NALCN: variants seen among roughly 807,000 people sequenced by gnomAD.
NALCN encodes sodium leak channel, non-selective.
NALCN carries 111 observed loss-of-function variants against 225.3 expected under a neutral mutation model. That is an observed-to-expected ratio of 0.49 (90% CI 0.42 to 0.58). NALCN has a LOEUF of 0.58. NALCN is among the 20% of genes least tolerant of loss of function. The pLI, the probability that NALCN is intolerant of heterozygous loss-of-function variation, is 0.00. For synonymous variants in NALCN, 764 were observed against 769.0 expected (o/e 0.99, Z 0.11); for missense variants, 1,378 against 2,202.4 (o/e 0.63, Z 7.49).
chr13:101,263,079 G>A (rs1396232170), intron 10 of NALCN, among the ~76,000 whole-genome samples: 1 of 152,222 alleles, frequency 6.6e-6, no homozygotes, highest in Admixed American at 6.5e-5. Context: ...TCAGCCCATA[G>A]TCTAGTGAGG....
intron 13 of NALCN, 24 bp from the exon 14 acceptor site, chr13:101,192,078 T>A: frequency 1.3e-6 from 2 of 1,582,056 alleles, no homozygotes; most frequent in Non-Finnish European, 1.7e-6. Context: ...AACAAAGGTA[T>A]TACACACTAG....
intron 34 of NALCN, among the ~76,000 whole-genome samples, chr13:101,079,688 T>A (rs2139497323): frequency 6.6e-6 from 1 of 152,356 alleles, no homozygotes; most frequent in African/African-American, 2.4e-5. Context: ...GCAACTATAT[T>A]TGTTTTGCTT....
intron 14 of NALCN, among the ~76,000 whole-genome samples, chr13:101,187,807 G>A (rs1469482613): frequency 1.3e-5 from 2 of 152,196 alleles, no homozygotes; most frequent in East Asian, 3.9e-4. Flanking sequence ...TTTATCTATA[G>A]AGCAGGAGTC....
intron 1 of NALCN, among the ~76,000 whole-genome samples, chr13:101,411,002 C>A (rs1198386877): frequency 6.6e-6 from 1 of 152,106 alleles, no homozygotes; most frequent in Non-Finnish European, 1.5e-5. Context: ...AATTGTATAT[C>A]CAATTTCTCC....
intron 10 of NALCN, among the ~76,000 whole-genome samples, chr13:101,271,736 G>T (rs2042784359): frequency 6.6e-6 from 1 of 151,766 alleles, no homozygotes; most frequent in Non-Finnish European, 1.5e-5. Context: ...GTGTCACTGT[G>T]TCACTGAGTA....
intron 3 of NALCN, among the ~76,000 whole-genome samples, chr13:101,390,047 A>T (rs1319743813): frequency 6.6e-6 from 1 of 152,200 alleles, no homozygotes; most frequent in East Asian, 1.9e-4. Flanking sequence ...GCACCACTGT[A>T]CTCCGGCCTG....
At chr13:101,369,459 T>C (rs2046476939) in intron 6 of NALCN, among the ~76,000 whole-genome samples, 1 of 152,188 alleles carries the variant, frequency 6.6e-6, no homozygotes, top group Non-Finnish European at 1.5e-5. Flanking sequence ...GAAGCAACTC[T>C]AGGGTCATGA....
chr13:101,119,090 A>G (rs1342118623), intron 18 of NALCN, among the ~76,000 whole-genome samples: 1 of 152,234 alleles, frequency 6.6e-6, no homozygotes, highest in Non-Finnish European at 1.5e-5. Flanking sequence ...GTGAGACACT[A>G]CAGAGATATT....
chr13:101,373,038 T>C (rs1594755851), intron 6 of NALCN: 1 of 388,422 alleles, frequency 2.6e-6, no homozygotes, highest in South Asian at 2.0e-5. Flanking sequence ...CAAAAGATAA[T>C]CAGAGGGCAT....
intron 30 of NALCN, 125 bp from the exon 31 acceptor site, chr13:101,083,929 C>T (rs1293997189): frequency 5.1e-6 from 4 of 780,920 alleles, no homozygotes; most frequent in Non-Finnish European, 7.5e-6. Flanking sequence ...TTCTTCCAAC[C>T]GTGGTGGTGA....
At chr13:101,085,043 A>G (rs1396718170) in intron 30 of NALCN, among the ~76,000 whole-genome samples, 1 of 152,192 alleles carries the variant, frequency 6.6e-6, no homozygotes, top group Non-Finnish European at 1.5e-5. Context: ...TATTAACGAG[A>G]TGAAACATTT....
At chr13:101,257,262 T>C (rs1203208544) in intron 11 of NALCN, among the ~76,000 whole-genome samples, 1 of 148,260 alleles carries the variant, frequency 6.7e-6, no homozygotes, top group East Asian at 2.0e-4. Flanking sequence ...AGGTGGCCAT[T>C]GGGCAAATGT....
chr13:101,376,021 A>C (rs987802636), intron 6 of NALCN, among the ~76,000 whole-genome samples: 3 of 152,182 alleles, frequency 2.0e-5, no homozygotes, highest in African/African-American at 7.2e-5. Context: ...AAGTACATAC[A>C]TTCTATCTTA....
intron 15 of NALCN, among the ~76,000 whole-genome samples, chr13:101,151,566 T>C (rs1016010360): frequency 6.6e-6 from 1 of 152,202 alleles, no homozygotes; most frequent in East Asian, 1.9e-4. Flanking sequence ...CACATTATCT[T>C]CAATCAGAAG....
intron 11 of NALCN, among the ~76,000 whole-genome samples, chr13:101,255,310 T>C (rs1461551936): frequency 6.6e-6 from 1 of 152,206 alleles, no homozygotes; most frequent in African/African-American, 2.4e-5. Flanking sequence ...CTACCATACA[T>C]AAACACATTA....
intron 13 of NALCN, among the ~76,000 whole-genome samples, chr13:101,206,767 T>C: frequency 6.6e-6 from 1 of 151,190 alleles, no homozygotes; most frequent in Middle Eastern, 3.5e-3. Flanking sequence ...AAAAAATGTA[T>C]ATATTTTGTT....
At position 101,292,108 on chromosome 13, in the gene NALCN, C is replaced by G. The variant is rs975542135; in HGVS notation, c.943-14G>C. 1 of 1,613,748 alleles carries G rather than the reference C, an allele frequency of 6.2e-7. No homozygotes were observed. The highest frequency in any genetic ancestry group is 1.7e-5 in the Admixed American group (1 of 59,920). Reference sequence around the variant, plus strand: ...AATAAACACGTTCTGAAAAAAATCACAAACCACATTTACCAAAGTCTAAGA... The same window carrying G: ...AATAAACACGTTCTGAAAAAAATCAGAAACCACATTTACCAAAGTCTAAGA... On this transcript the variant is annotated splice_polypyrimidine_tract_variant and intron_variant, in intron 8 of 43. Coordinates refer to ENST00000251127, the MANE Select transcript of NALCN (RefSeq NM_052867.4). This position sits in a 1 kb window ranked among gnomAD's most constrained non-coding sequence, Gnocchi z 4.3.
At chr13:101,157,167 C>A (rs535323708) in intron 15 of NALCN, among the ~76,000 whole-genome samples, 2 of 152,202 alleles carry the variant, frequency 1.3e-5, no homozygotes, top group East Asian at 3.9e-4. Context: ...ATGTAAGACA[C>A]ATGCATAGAT....
intron 17 of NALCN, among the ~76,000 whole-genome samples, chr13:101,135,112 G>A (rs938890092): frequency 2.0e-5 from 3 of 152,118 alleles, no homozygotes; most frequent in East Asian, 1.9e-4. Context: ...GGAGAATGGC[G>A]TGAACCCGGG....
Sources: allele counts gnomAD v4.1 joint callset (sites outside exome capture counted in the v4.1 genomes callset), GRCh38; gene constraint gnomAD v4.1.1; non-coding constraint Gnocchi (gnomAD v3.1); transcripts MANE v1.5; gene names NCBI Gene and HGNC (gene_info 2026-07-23, HGNC 2026-07-21).